Variants in SHPRH observed in about 807,000 individuals in gnomAD.
SHPRH encodes the protein SNF2 histone linker PHD RING helicase.
Under a neutral mutation model 202.5 loss-of-function variants are expected in SHPRH, and 106 were observed. That is an observed-to-expected ratio of 0.52 (90% CI 0.45 to 0.62). The LOEUF (loss-of-function observed/expected upper bound fraction) is 0.62. Ranked by LOEUF, SHPRH falls within the 20% of genes least tolerant of loss-of-function variation. SHPRH has a pLI of 0.00. For missense variants in SHPRH, 1,710 were observed against 2,020.0 expected (o/e 0.85, Z 2.94); for synonymous variants, 729 against 686.0 (o/e 1.06, Z -0.98).
chr6:145,919,639 T>G, intron 21 of SHPRH, 148 bp from the exon 22 acceptor site: 2 of 842,772 alleles, frequency 2.4e-6, no homozygotes, highest in Non-Finnish European at 3.4e-6. Context: ...CTGGGGTCAT[T>G]TTTAGGATGA....
downstream of SHPRH, among the ~76,000 whole-genome samples, chr6:145,862,438 CAA>C (rs1218612511): frequency 7.7e-6 from 1 of 130,640 alleles, no homozygotes; most frequent in Non-Finnish European, 1.6e-5. Flanking sequence ...CAAAACAAAA[CAA>C]AAAAACAAAA....
rs1554220329 is a variant in SHPRH at position 145,867,631 on chromosome 6, T to TATAG, written c.222-3141_222-3140insCTAT. 1.7e-3 allele frequency among the ~76,000 whole-genome samples: 39 copies of TATAG among 22,320 alleles called. 1 individual carries two copies. The highest frequency in any genetic ancestry group is 2.7e-3 in the Admixed American group (4 of 1,508). The allele number at this position is 22,320 out of a possible 152,430, so 14.6% of individuals were successfully genotyped here. A position where few individuals can be genotyped will look rare whatever the true frequency, so the allele number is the denominator to read the frequency against. On this transcript the variant is annotated intron_variant, in intron 2 of 2. Coordinates refer to the SHPRH transcript ENST00000417762. ...ATATATATATATATATATATATATA[T>TATAG]AGAGAGAGAGAGAGAGAGAGAGAGA...
intron 25 of SHPRH, among the ~76,000 whole-genome samples, chr6:145,901,011 G>A (rs1166025526): frequency 6.6e-6 from 1 of 152,086 alleles, no homozygotes; most frequent in Non-Finnish European, 1.5e-5. Context: ...TATGTGAAGT[G>A]ATGGGTATGT....
At chr6:145,951,660 T>G (rs1787990226) in intron 3 of SHPRH, 2 of 325,338 alleles carry the variant, frequency 6.1e-6, no homozygotes, top group Non-Finnish European at 1.3e-5. Flanking sequence ...CAAAACGATT[T>G]ACTATTACTG....
downstream of SHPRH, chr6:145,883,349 A>G (rs961702134): frequency 4.6e-5 from 7 of 152,232 alleles, no homozygotes; most frequent in African/African-American, 1.7e-4. Flanking sequence ...TGAGCTATAC[A>G]TGCCCCTGAA....
intron 14 of SHPRH, among the ~76,000 whole-genome samples, 188 bp downstream of exon 14, chr6:145,932,869 G>A (rs995377543): frequency 1.3e-5 from 2 of 152,138 alleles, no homozygotes; most frequent in Admixed American, 1.3e-4. Context: ...AAACTTTGAA[G>A]GTTTTCAAAA....
At chr6:145,922,639 T>C in intron 19 of SHPRH, 24 bp downstream of exon 19, 4 of 1,567,632 alleles carry the variant, frequency 2.6e-6, no homozygotes, top group Non-Finnish European at 3.4e-6. Flanking sequence ...ACCATTTCAT[T>C]GTATGATTTC....
intron 14 of SHPRH, among the ~76,000 whole-genome samples, chr6:145,930,280 G>A (rs562383338): frequency 2.0e-5 from 3 of 152,172 alleles, no homozygotes; most frequent in African/African-American, 7.2e-5. Context: ...ATTTCTTTGG[G>A]CAACTGATTT....
chr6:145,888,796 G>A (rs1222484107), intron 28 of SHPRH, among the ~76,000 whole-genome samples: 3 of 152,174 alleles, frequency 2.0e-5, no homozygotes, highest in African/African-American at 7.2e-5. Flanking sequence ...GTAAGTAAGG[G>A]TGGATGCACT....
Position 145,886,123 on chromosome 6 carries a change from ACTGT to A in SHPRH, c.*564_*567del, listed in dbSNP as rs1175521042. On this transcript the variant is annotated 3_prime_UTR_variant, in exon 30 of 30. Coordinates refer to ENST00000275233, the MANE Select transcript of SHPRH (RefSeq NM_001042683.3). Reference sequence around the variant, plus strand: ...TAGCAAGATGCAGAAGAAACAAATAACTGTCTAACATTAACTTATTGTAAGGAGT... The same window carrying A: ...TAGCAAGATGCAGAAGAAACAAATAACTAACATTAACTTATTGTAAGGAGT... 2 of 198,984 alleles carry A rather than the reference ACTGT, an allele frequency of 1.0e-5. No homozygotes were observed. Among genetic ancestry groups the A allele is most frequent in the African/African-American group, 2.3e-5 (1 of 43,630 alleles). 12.3% of individuals were successfully genotyped at this position (198,984 alleles called of 1,614,324 possible).
intron 23 of SHPRH, chr6:145,916,967 G>A (rs1326861732): frequency 1.3e-5 from 2 of 152,128 alleles, no homozygotes; most frequent in Non-Finnish European, 2.9e-5. Context: ...CTTTAGTAGA[G>A]ACAGGGTTTC....
chr6:145,935,470 G>C, intron 11 of SHPRH, 29 bp from the exon 12 acceptor site: 1 of 1,608,154 alleles, frequency 6.2e-7, no homozygotes, highest in Non-Finnish European at 8.5e-7. Flanking sequence ...ATACATTGAG[G>C]ATAACTCTAT....
At position 145,924,851 on chromosome 6, in the gene SHPRH, G is replaced by A. The variant is rs2128752514; in HGVS notation, c.3295-5C>T. The A allele has an allele frequency of 1.9e-6, 3 of 1,608,916 alleles. No homozygotes were observed. Among genetic ancestry groups the A allele is most frequent in the Non-Finnish European group, 2.5e-6 (3 of 1,176,646 alleles). Reference sequence around the variant, plus strand: ...GTGCTCTCGCAGCTGTTTGGCCTGTGTTGAAACAGAGAATATAAACTTTCA... The same window carrying A: ...GTGCTCTCGCAGCTGTTTGGCCTGTATTGAAACAGAGAATATAAACTTTCA... On this transcript the variant is annotated splice_polypyrimidine_tract_variant and splice_region_variant and intron_variant, in intron 16 of 29. Transcript: ENST00000275233.
intron 1 of SHPRH, among the ~76,000 whole-genome samples, chr6:145,958,290 T>C (rs996035822): frequency 5.3e-5 from 8 of 152,184 alleles, no homozygotes; most frequent in African/African-American, 1.9e-4. Flanking sequence ...TGAATTTTCT[T>C]ATACATAAAT....
At position 145,943,473 on chromosome 6, in the gene SHPRH, T is replaced by C. The variant is rs754514440; in HGVS notation, c.1908A>G (p.Leu636=). 14 of 1,613,914 alleles carry C rather than the reference T, an allele frequency of 8.7e-6. No homozygotes were observed. Among genetic ancestry groups the C allele is most frequent in the Admixed American group, 5.0e-5 (3 of 59,978 alleles). Residue 636 remains leucine, a synonymous_variant, in exon 9 of 30, where the codon CTA becomes CTG. Coordinates refer to ENST00000275233, the MANE Select transcript of SHPRH (RefSeq NM_001042683.3). ...EHETEDCAES[L]NHADSDVPPS... ...GTGGTACATCACTATCAGCATGATT[T>C]AGAGATTCAGCACAGTCCTCTGTTT...
At chr6:145,903,249 T>C (rs552627426) in intron 25 of SHPRH, 14 of 151,822 alleles carry the variant, frequency 9.2e-5, no homozygotes, top group Non-Finnish European at 1.6e-4. Flanking sequence ...TCATAATCAG[T>C]TTTTTTCACT....
At chr6:145,915,587 T>C (rs781485377) in intron 23 of SHPRH, among the ~76,000 whole-genome samples, 7 of 152,068 alleles carry the variant, frequency 4.6e-5, no homozygotes, top group Admixed American at 4.6e-4. Context: ...TTTTTTCTTT[T>C]AGCATTTTGA....
At chr6:145,904,410 T>C (rs1358892458) in intron 25 of SHPRH, 1 of 152,068 alleles carries the variant, frequency 6.6e-6, no homozygotes, top group Non-Finnish European at 1.5e-5. Flanking sequence ...AATTTGAAAA[T>C]AATGCCTTAA....
chr6:145,859,027 A>G, the SHPRH span, among the ~76,000 whole-genome samples: 1 of 152,054 alleles, frequency 6.6e-6, no homozygotes, highest in Non-Finnish European at 1.5e-5. Flanking sequence ...GTTTGATATT[A>G]ACAAATATAC....
Sources: gnomAD v4.1 joint callset for allele counts (sites outside exome capture counted in the v4.1 genomes callset) on GRCh38, gnomAD v4.1.1 for gene constraint, MANE v1.5 for transcripts, NCBI Gene and HGNC (gene_info 2026-07-23, HGNC 2026-07-21) for gene names.